Variants in TMEM51 observed in about 807,000 individuals in gnomAD.
TMEM51 encodes chromosome 1 open reading frame 72.
A neutral mutation model predicts 13.6 loss-of-function variants in TMEM51; 8 were observed. The ratio of observed to expected loss-of-function variants is 0.59; its 90% CI spans 0.35 to 1.07. TMEM51 has a LOEUF of 1.07. Among genes scored for constraint, TMEM51 ranks in the 50% least tolerant of loss-of-function variants. TMEM51 has a pLI of 0.02. For synonymous variants in TMEM51, 147 were observed against 144.4 expected (o/e 1.02, Z -0.13); for missense variants, 279 against 330.7 (o/e 0.84, Z 1.21).
At chr1:15,171,399 G>A (rs1398326030) in intron 1 of TMEM51, 3 of 1,164,558 alleles carry the variant, frequency 2.6e-6, no homozygotes, top group African/African-American at 3.2e-5. Flanking sequence ...AAGAGTTGCC[G>A]GGGACCAGGG....
At chr1:15,166,461 T>C (rs1333725477) in intron 1 of TMEM51, among the ~76,000 whole-genome samples, 3 of 152,224 alleles carry the variant, frequency 2.0e-5, no homozygotes, top group African/African-American at 7.2e-5. Flanking sequence ...TGGCTCACAC[T>C]GTAATCCCAG....
intron 1 of TMEM51, among the ~76,000 whole-genome samples, chr1:15,193,575 C>T (rs113306093): frequency 0.11 from 12,891 of 114,058 alleles, 897 homozygotes; most frequent in African/African-American, 0.14. Flanking sequence ...TTCTTTCTTT[C>T]TTTTTTTTTT....
rs549367270 is a variant in TMEM51 at position 15,212,483 on chromosome 1, G to A, written c.-194+1921G>A. ...CTAGTCTGCTAACCACACTCTCAGC[G>A]TCCCACGTACAAGGCCTGCCTGTCA... On this transcript the variant is annotated intron_variant, in intron 2 of 3. Transcript: ENST00000376008. Among the ~76,000 whole-genome samples the A allele has an allele frequency of 3.8e-4, 28 of 74,056 alleles. No homozygotes were observed. The South Asian group carries it at 4.8e-3, about 13-fold the overall frequency. The allele number at this position is 74,056 out of a possible 152,430, so 48.6% of individuals were successfully genotyped here.
At chr1:15,189,671 C>A (rs1016730339) in intron 1 of TMEM51, among the ~76,000 whole-genome samples, 1 of 152,190 alleles carries the variant, frequency 6.6e-6, no homozygotes, top group Non-Finnish European at 1.5e-5. Context: ...GATCTCCACT[C>A]CCTTCCCTCC....
At chr1:15,174,009 G>A (rs1422525429) in intron 1 of TMEM51, among the ~76,000 whole-genome samples, 1 of 152,198 alleles carries the variant, frequency 6.6e-6, no homozygotes, top group Non-Finnish European at 1.5e-5. Context: ...TTGAAGTGTG[G>A]CTTATAAAGA....
intron 1 of TMEM51, among the ~76,000 whole-genome samples, chr1:15,168,987 A>G (rs1557834460): frequency 6.6e-6 from 1 of 152,196 alleles, no homozygotes; most frequent in African/African-American, 2.4e-5. Context: ...GGAGTATGCT[A>G]GCTACATACA....
At chr1:15,200,536 A>G (rs971170522) in intron 1 of TMEM51, among the ~76,000 whole-genome samples, 6 of 151,880 alleles carry the variant, frequency 4.0e-5, no homozygotes, top group Non-Finnish European at 5.9e-5. Flanking sequence ...GAAGGAACCA[A>G]CCTTGCTCAG....
intron 1 of TMEM51, among the ~76,000 whole-genome samples, chr1:15,157,762 T>G (rs182736290): frequency 1.4e-4 from 21 of 152,306 alleles, no homozygotes; most frequent in African/African-American, 5.1e-4. Flanking sequence ...TATCTGGCAC[T>G]CCCTTAGCCA....
intron 1 of TMEM51, among the ~76,000 whole-genome samples, chr1:15,189,749 A>G (rs143856634): frequency 2.4e-3 from 359 of 152,346 alleles, no homozygotes; most frequent in African/African-American, 8.2e-3. Context: ...GATGACATGC[A>G]AAATGTCCAG....
At chr1:15,154,974 CG>C (rs936132045) in intron 1 of TMEM51, among the ~76,000 whole-genome samples, 2 of 152,142 alleles carry the variant, frequency 1.3e-5, no homozygotes, top group Non-Finnish European at 2.9e-5. Flanking sequence ...TAGGACCGGC[CG>C]GCTTCTGGCT....
intron 1 of TMEM51, among the ~76,000 whole-genome samples, chr1:15,164,927 C>T (rs561215737): frequency 2.7e-5 from 4 of 150,406 alleles, no homozygotes; most frequent in South Asian, 2.1e-4. Context: ...CTCAGCCTCC[C>T]GAGTAGCTGG....
intron 1 of TMEM51, among the ~76,000 whole-genome samples, chr1:15,181,831 G>T (rs1643624959): frequency 6.6e-6 from 1 of 152,196 alleles, no homozygotes; most frequent in South Asian, 2.1e-4. Context: ...CTGGCTGCCT[G>T]CATGAAACTC....
Position 15,219,701 on chromosome 1 carries a change from T to C in TMEM51, c.720T>C (p.Asp240=), listed in dbSNP as rs1296922277. 6.2e-7 allele frequency: 1 copy of C among 1,613,818 alleles called. No individual in the cohort carries two copies. Among genetic ancestry groups the C allele is most frequent in the South Asian group, 1.1e-5 (1 of 91,084 alleles). The part of the protein sequence containing the change: ...IEPLTPPPQY[D]EVQEKAPDTR... Reference sequence around the variant, plus strand: ...CTTTGACTCCTCCACCGCAGTATGATGAAGTCCAGGAGAAGGCCCCCGACA... The same window carrying C: ...CTTTGACTCCTCCACCGCAGTATGACGAAGTCCAGGAGAAGGCCCCCGACA... Residue 240 remains aspartate (D), a synonymous_variant, in exon 4 of 4, where the codon GAT becomes GAC. Coordinates refer to ENST00000376008, the MANE Select transcript of TMEM51 (RefSeq NM_001136218.2).
Position 15,219,186 on chromosome 1 carries a change from G to A in TMEM51, c.345-140G>A, listed in dbSNP as rs531593969. 21 of 809,862 alleles carry A rather than the reference G, an allele frequency of 2.6e-5. No individual in the cohort carries two copies. In the South Asian group the frequency reaches 3.3e-4, roughly 13 times the overall value. 50.2% of individuals were successfully genotyped at this position (809,862 alleles called of 1,614,324 possible). A position where few individuals can be genotyped will look rare whatever the true frequency, so the allele number is the denominator to read the frequency against. On this transcript the variant is annotated intron_variant, in intron 3 of 3. Coordinates refer to ENST00000376008, the MANE Select transcript of TMEM51 (RefSeq NM_001136218.2). ...GCCCAGCTCATAGTAAACACTTGAA[G>A]TATTCACTTTTATTGCCTCTAAGAC...
chr1:15,202,450 C>A (rs1644174023), intron 1 of TMEM51, among the ~76,000 whole-genome samples: 1 of 152,112 alleles, frequency 6.6e-6, no homozygotes, highest in Non-Finnish European at 1.5e-5. Flanking sequence ...GTTCTGGAGG[C>A]CAGAAGTCCA....
intron 3 of TMEM51, among the ~76,000 whole-genome samples, 174 bp downstream of exon 3, chr1:15,215,605 C>G (rs1158794125): frequency 2.6e-5 from 4 of 152,248 alleles, no homozygotes; most frequent in Non-Finnish European, 5.9e-5. Context: ...TAACTTTAGA[C>G]TTTTCTACCA....
chr1:15,208,580 A>G (rs1245008553), intron 1 of TMEM51, among the ~76,000 whole-genome samples: 1 of 152,174 alleles, frequency 6.6e-6, no homozygotes, highest in Admixed American at 6.5e-5. Context: ...GCAGTGAGCT[A>G]TGGGTGACAA....
At chr1:15,187,033 G>A (rs538770118) in intron 1 of TMEM51, among the ~76,000 whole-genome samples, 2 of 152,246 alleles carry the variant, frequency 1.3e-5, no homozygotes, top group Admixed American at 1.3e-4. Flanking sequence ...TGACTGATGG[G>A]CCATCTCTAC....
chr1:15,180,051 G>C (rs1643567941), intron 1 of TMEM51, among the ~76,000 whole-genome samples: 1 of 152,176 alleles, frequency 6.6e-6, no homozygotes. Context: ...CTCCGCCCCA[G>C]CCCTGGCAAC....
Sources: allele counts gnomAD v4.1 joint callset (sites outside exome capture counted in the v4.1 genomes callset), GRCh38; gene constraint gnomAD v4.1.1; transcripts MANE v1.5; gene names NCBI Gene and HGNC (gene_info 2026-07-23, HGNC 2026-07-21).